Variants in TMEM244 observed in about 807,000 individuals in gnomAD.
TMEM244 encodes transmembrane protein 244, also known as putative transmembrane protein 244.
In TMEM244, 13 loss-of-function variants were observed where a neutral mutation model predicts 15.8. The observed-to-expected ratio is 0.82, with a 90% CI of 0.53 to 1.30. TMEM244 has a LOEUF of 1.30. Among genes scored for constraint, TMEM244 ranks in the 50% most tolerant of loss-of-function variants. The pLI is 0.00. For missense variants in TMEM244, 161 were observed against 144.9 expected, an observed-to-expected ratio of 1.11 and a Z score of -0.57; for synonymous variants, 45 against 48.7, an observed-to-expected ratio of 0.92 and a Z score of 0.32.
intron 1 of TMEM244, among the ~76,000 whole-genome samples, chr6:129,847,737 C>T (rs969194766): frequency 4.6e-5 from 7 of 151,742 alleles, no homozygotes; most frequent in Non-Finnish European, 4.4e-5. Flanking sequence ...CCAGTTCACT[C>T]TCAGGATCTC....
intron 4 of TMEM244, 88 bp downstream of exon 4, chr6:129,833,372 A>C: frequency 7.2e-7 from 1 of 1,397,282 alleles, no homozygotes; most frequent in Non-Finnish European, 9.6e-7. Context: ...AAGAATATGC[A>C]GACAACAAAG....
intron 2 of TMEM244, 141 bp downstream of exon 2, chr6:129,845,626 A>C: frequency 1.4e-6 from 1 of 706,464 alleles, no homozygotes. Context: ...CAAAAATAAA[A>C]AATAAATAAA....
chr6:129,835,572 A>T (rs1776393054), intron 3 of TMEM244, among the ~76,000 whole-genome samples: 1 of 152,122 alleles, frequency 6.6e-6, no homozygotes, highest in African/African-American at 2.4e-5. Context: ...GGTGCAGCCC[A>T]TGGAGGGCAA....
intron 4 of TMEM244, among the ~76,000 whole-genome samples, chr6:129,833,141 T>C (rs1238811123): frequency 6.6e-6 from 1 of 152,216 alleles, no homozygotes; most frequent in Non-Finnish European, 1.5e-5. Context: ...AATTGTGCTA[T>C]GGTTATATGA....
chr6:129,851,163 TA>T (rs1164782062), intron 1 of TMEM244, among the ~76,000 whole-genome samples: 1 of 152,190 alleles, frequency 6.6e-6, no homozygotes, highest in Non-Finnish European at 1.5e-5. Flanking sequence ...ATGTGGCCTA[TA>T]TGTGGCAGGG....
intron 3 of TMEM244, among the ~76,000 whole-genome samples, chr6:129,838,861 C>A (rs1391597284): frequency 6.6e-6 from 1 of 152,158 alleles, no homozygotes; most frequent in Non-Finnish European, 1.5e-5. Context: ...CACATACACC[C>A]TCCCAAGACT....
intron 1 of TMEM244, among the ~76,000 whole-genome samples, chr6:129,852,461 A>C (rs571011931): frequency 2.6e-5 from 4 of 152,278 alleles, no homozygotes; most frequent in Middle Eastern, 3.4e-3. Flanking sequence ...ATTGGAGCAC[A>C]GAAGCTGGCA....
intron 1 of TMEM244, among the ~76,000 whole-genome samples, chr6:129,851,082 G>T (rs1776632272): frequency 6.6e-6 from 1 of 152,068 alleles, no homozygotes; most frequent in East Asian, 1.9e-4. Flanking sequence ...TCTGGGTTTG[G>T]TTGTCTTTCA....
At chr6:129,837,778 T>A (rs9388741) in intron 3 of TMEM244, among the ~76,000 whole-genome samples, 3 of 152,218 alleles carry the variant, frequency 2.0e-5, no homozygotes, top group South Asian at 4.1e-4. Flanking sequence ...AATCTTAGTC[T>A]CTGATACAAC....
At chr6:129,839,627 G>A (rs1322384553) in intron 3 of TMEM244, among the ~76,000 whole-genome samples, 1 of 152,174 alleles carries the variant, frequency 6.6e-6, no homozygotes, top group Non-Finnish European at 1.5e-5. Context: ...TAGGAAAAGA[G>A]GAAGTCAAAT....
intron 1 of TMEM244, among the ~76,000 whole-genome samples, chr6:129,857,852 G>GTATATA (rs202092004): frequency 6.6e-4 from 99 of 148,998 alleles, no homozygotes; most frequent in African/African-American, 2.0e-3. Flanking sequence ...ACATATATAT[G>GTATATA]TATATATATA....
chr6:129,848,931 A>C (rs1389186734), intron 1 of TMEM244, among the ~76,000 whole-genome samples: 1 of 152,142 alleles, frequency 6.6e-6, no homozygotes, highest in African/African-American at 2.4e-5. Context: ...TTCAACCATT[A>C]AACTTTTCTT....
chr6:129,832,314 T>C (rs979897271), intron 4 of TMEM244, among the ~76,000 whole-genome samples: 5 of 152,044 alleles, frequency 3.3e-5, no homozygotes, highest in Non-Finnish European at 5.9e-5. Context: ...GCCAGGCTGG[T>C]CTTCAACTCC....
intron 1 of TMEM244, among the ~76,000 whole-genome samples, chr6:129,858,315 G>A (rs1014694843): frequency 6.6e-6 from 1 of 152,058 alleles, no homozygotes; most frequent in Admixed American, 6.6e-5. Context: ...TGAAGACTTA[G>A]GAGAATTCTT....
At chr6:129,837,913 T>C (rs1042567642) in intron 3 of TMEM244, among the ~76,000 whole-genome samples, 1 of 152,160 alleles carries the variant, frequency 6.6e-6, no homozygotes, top group Non-Finnish European at 1.5e-5. Context: ...AGCATTCGGA[T>C]TAATAAAGCA....
At position 129,854,208 on chromosome 6, in the gene TMEM244, G is replaced by A. The variant is rs570861420; in HGVS notation, c.33+6948C>T. On this transcript the variant is annotated intron_variant, in intron 1 of 4. Coordinates refer to ENST00000368143, the MANE Select transcript of TMEM244 (RefSeq NM_001010876.2). ...TGGTGTGGTTCCTGGCACACAGTAG[G>A]TATTCAAAGAATATAAGTTGTTGGA... 8.5e-5 allele frequency among the ~76,000 whole-genome samples: 13 copies of A among 152,210 alleles called. 1 individual carries two copies. The South Asian group carries it at 2.5e-3, about 29-fold the overall frequency.
intron 1 of TMEM244, among the ~76,000 whole-genome samples, chr6:129,853,306 C>T (rs1180039448): frequency 1.3e-5 from 2 of 152,124 alleles, no homozygotes; most frequent in Admixed American, 6.5e-5. Context: ...AACTAACTCC[C>T]ACTCATCTTT....
chr6:129,838,636 A>G (rs1390691148), intron 3 of TMEM244, among the ~76,000 whole-genome samples: 1 of 152,206 alleles, frequency 6.6e-6, no homozygotes, highest in African/African-American at 2.4e-5. Flanking sequence ...AAATCAGTGA[A>G]TCCAGGAGCT....
intron 3 of TMEM244, among the ~76,000 whole-genome samples, chr6:129,837,490 T>C (rs1776425534): frequency 6.6e-6 from 1 of 152,184 alleles, no homozygotes; most frequent in South Asian, 2.1e-4. Context: ...GTAAAGACTT[T>C]AGACGCTATG....
Sources: allele counts gnomAD v4.1 joint callset (sites outside exome capture counted in the v4.1 genomes callset), GRCh38; gene constraint gnomAD v4.1.1; transcripts MANE v1.5; gene names NCBI Gene and HGNC (gene_info 2026-07-23, HGNC 2026-07-21).